NSUN6: variants seen among roughly 807,000 people sequenced by gnomAD.
NSUN6 encodes tRNA (cytosine(72)-C(5))-methyltransferase NSUN6.
Under a neutral mutation model 58.0 loss-of-function variants are expected in NSUN6, and 64 were observed. The observed-to-expected ratio is 1.10, with a 90% CI of 0.90 to 1.36. The LOEUF is 1.36. Among genes scored for constraint, NSUN6 ranks in the 40% most tolerant of loss-of-function variants. The pLI, the probability that NSUN6 is intolerant of heterozygous loss-of-function variation, is 0.00. For synonymous variants in NSUN6, 231 were observed against 193.9 expected (o/e 1.19, Z -1.59); for missense variants, 701 against 550.1 (o/e 1.27, Z -2.74).
At chr10:18,547,334 T>A (rs1296030428) in intron 10 of NSUN6, among the ~76,000 whole-genome samples, 1 of 152,132 alleles carries the variant, frequency 6.6e-6, no homozygotes, top group Non-Finnish European at 1.5e-5. Context: ...ATATTTTGAG[T>A]GTGTGTATAT....
At chr10:18,587,962 G>A (rs2057232634) in intron 7 of NSUN6, among the ~76,000 whole-genome samples, 1 of 152,106 alleles carries the variant, frequency 6.6e-6, no homozygotes, top group African/African-American at 2.4e-5. Flanking sequence ...TAATGCCAGG[G>A]AGCCAAGTGG....
chr10:18,634,744 G>A (rs1439019351), intron 3 of NSUN6, among the ~76,000 whole-genome samples: 8 of 146,552 alleles, frequency 5.5e-5, no homozygotes, highest in Admixed American at 7.0e-5. Flanking sequence ...GTGACAGAGC[G>A]AGACTCTGTC....
chr10:18,617,047 C>A (rs1245609575), intron 3 of NSUN6, among the ~76,000 whole-genome samples: 1 of 152,144 alleles, frequency 6.6e-6, no homozygotes, highest in South Asian at 2.1e-4. Flanking sequence ...TCTCTGCCTA[C>A]TTCTTAGAGG....
At chr10:18,559,909 T>C (rs1028355515) in intron 8 of NSUN6, among the ~76,000 whole-genome samples, 3 of 147,934 alleles carry the variant, frequency 2.0e-5, no homozygotes, top group Non-Finnish European at 4.5e-5. Context: ...TGGAATGGAA[T>C]GGAGAATGGA....
intron 3 of NSUN6, among the ~76,000 whole-genome samples, chr10:18,619,158 T>C (rs1353774731): frequency 6.6e-6 from 1 of 152,180 alleles, no homozygotes; most frequent in Non-Finnish European, 1.5e-5. Flanking sequence ...CAATGCCAAG[T>C]GTTTGGCTTG....
At chr10:18,600,963 T>TATATATATATATATATAC (rs2057806967) in intron 6 of NSUN6, among the ~76,000 whole-genome samples, 7 of 71,504 alleles carry the variant, frequency 9.8e-5, no homozygotes, top group African/African-American at 3.3e-4. Flanking sequence ...TATATATACA[T>TATATATATATATATATAC]ATATATATAT....
chr10:18,580,555 T>C (rs2056859827), intron 8 of NSUN6, among the ~76,000 whole-genome samples: 1 of 152,176 alleles, frequency 6.6e-6, no homozygotes. Flanking sequence ...TGGGAAGCTC[T>C]ACCCAGGCAC....
intron 6 of NSUN6, among the ~76,000 whole-genome samples, chr10:18,604,183 A>G (rs2131280617): frequency 6.6e-6 from 1 of 152,216 alleles, no homozygotes; most frequent in Non-Finnish European, 1.5e-5. Context: ...CTCCATATCA[A>G]AAAGCATCAG....
intron 3 of NSUN6, among the ~76,000 whole-genome samples, chr10:18,632,646 C>A (rs2059074055): frequency 6.6e-6 from 1 of 152,170 alleles, no homozygotes; most frequent in Non-Finnish European, 1.5e-5. Context: ...CCAAAAGACA[C>A]ACGAAAAAAT....
Position 18,575,862 on chromosome 10 carries a change from C to T in NSUN6, c.922+10087G>A, listed in dbSNP as rs183072109. Among the ~76,000 whole-genome samples the T allele has an allele frequency of 7.8e-4, 119 of 152,310 alleles. No individual in the cohort carries two copies. The East Asian group carries it at 0.013, about 16-fold the overall frequency. On this transcript the variant is annotated intron_variant, in intron 8 of 10. Coordinates refer to ENST00000377304, the MANE Select transcript of NSUN6 (RefSeq NM_182543.5). ...ATATACTTGGTCTATTTTCTACTTT[C>T]TCTTCTCTTAAAACTAAAGGTCTAT...
chr10:18,631,152 C>A (rs1253326122), intron 3 of NSUN6, among the ~76,000 whole-genome samples: 3 of 152,150 alleles, frequency 2.0e-5, no homozygotes, highest in Non-Finnish European at 4.4e-5. Context: ...AAGACAAAAA[C>A]CACATGATTA....
intron 3 of NSUN6, among the ~76,000 whole-genome samples, chr10:18,635,493 A>C (rs536161032): frequency 1.3e-5 from 2 of 152,272 alleles, no homozygotes; most frequent in East Asian, 1.9e-4. Flanking sequence ...TATTCAAAGA[A>C]ATAATGGAAG....
upstream of NSUN6, among the ~76,000 whole-genome samples, chr10:18,655,478 T>C (rs1331390361): frequency 6.6e-6 from 1 of 152,226 alleles, no homozygotes; most frequent in Non-Finnish European, 1.5e-5. Context: ...ATAGTATTAA[T>C]ATACATGTAC....
chr10:18,566,138 TTCCATTCCATTC>T (rs2055916502), intron 8 of NSUN6, among the ~76,000 whole-genome samples: 1 of 135,992 alleles, frequency 7.4e-6, no homozygotes, highest in African/African-American at 2.7e-5. Flanking sequence ...CCATTCCACA[TTCCATTCCATTC>T]TCCATTCCAT....
At chr10:18,639,516 A>C (rs894889915) in intron 3 of NSUN6, among the ~76,000 whole-genome samples, 7 of 152,188 alleles carry the variant, frequency 4.6e-5, no homozygotes, top group African/African-American at 1.7e-4. Context: ...AAACAAAAAA[A>C]TTTTAAAAAC....
intron 4 of NSUN6, among the ~76,000 whole-genome samples, chr10:18,615,465 T>C (rs961590366): frequency 6.6e-6 from 1 of 152,226 alleles, no homozygotes; most frequent in African/African-American, 2.4e-5. Context: ...TTAGGCTTTG[T>C]AGCCACATAA....
At chr10:18,656,738 G>T (rs899627773), upstream of NSUN6, among the ~76,000 whole-genome samples, 4 of 151,182 alleles carry the variant, frequency 2.6e-5, no homozygotes, top group Admixed American at 2.0e-4. Context: ...TGTTGAACTG[G>T]ATAGAGATTT....
At chr10:18,578,968 G>A (rs148671509) in intron 8 of NSUN6, among the ~76,000 whole-genome samples, 156 of 152,228 alleles carry the variant, frequency 1.0e-3, no homozygotes, top group African/African-American at 3.4e-3. Context: ...TATTCTCACT[G>A]AAGTACTAGA....
chr10:18,636,375 A>AG (rs1453021932), intron 3 of NSUN6, among the ~76,000 whole-genome samples: 1 of 151,872 alleles, frequency 6.6e-6, no homozygotes, highest in Non-Finnish European at 1.5e-5. Context: ...AAAAAAAAAA[A>AG]ACTGGCCGGC....
Sources: allele counts gnomAD v4.1 joint callset (sites outside exome capture counted in the v4.1 genomes callset), GRCh38; gene constraint gnomAD v4.1.1; transcripts MANE v1.5; gene names NCBI Gene and HGNC (gene_info 2026-07-23, HGNC 2026-07-21).